Variants in DNAH9 observed in about 807,000 individuals in gnomAD.
The protein encoded by DNAH9 is DNAH9 variant protein.
Under a neutral mutation model 471.6 loss-of-function variants are expected in DNAH9, and 345 were observed. That is an observed-to-expected ratio of 0.73 (90% CI 0.67 to 0.80). DNAH9 has a LOEUF of 0.80. Among genes scored for constraint, DNAH9 ranks in the 30% least tolerant of loss-of-function variants. The probability of loss-of-function intolerance (pLI) is 0.00; values close to 1 mark genes in which losing one functional copy is unlikely to be tolerated. For synonymous variants in DNAH9, 2,093 were observed against 2,123.6 expected, an observed-to-expected ratio of 0.99 and a Z score of 0.40; for missense variants, 5,407 against 5,609.2, an observed-to-expected ratio of 0.96 and a Z score of 1.15.
chr17:11,704,180 C>T (rs1461877859), intron 24 of DNAH9, 23 bp from the exon 25 acceptor site: 2 of 1,613,524 alleles, frequency 1.2e-6, no homozygotes, highest in Admixed American at 3.3e-5. Flanking sequence ...AACAGCTTTA[C>T]TAGGCAACTC....
intron 6 of DNAH9, among the ~76,000 whole-genome samples, chr17:11,627,690 T>C (rs1031739746): frequency 6.6e-6 from 1 of 152,230 alleles, no homozygotes; most frequent in African/African-American, 2.4e-5. Flanking sequence ...TTTTGGCATC[T>C]GTCTTCCCTG....
chr17:11,872,837 G>A (rs78312079), intron 52 of DNAH9, among the ~76,000 whole-genome samples: 14,209 of 152,176 alleles, frequency 0.093, 1,135 homozygotes, highest in East Asian at 0.42. Context: ...GGAGAATGGC[G>A]TGAACCCGGG....
chr17:11,722,009 A>G (rs963316174), intron 27 of DNAH9, among the ~76,000 whole-genome samples: 6 of 152,272 alleles, frequency 3.9e-5, no homozygotes, highest in Admixed American at 3.3e-4. Context: ...ACCAAGTTCT[A>G]TGTGTGGCCA....
rs367594391 is a variant in DNAH9 at position 11,679,867 on chromosome 17, T to C, written c.3464T>C (p.Val1155Ala). 6.2e-7 allele frequency: 1 copy of C among 1,613,694 alleles called. No individual in the cohort carries two copies. ...LVEIMGHLMA[V>A]KERQSNTDEM... ...GAGATCATGGGACACCTTATGGCTG[T>C]TAAAGAACGGCAGAGTAACACTGAT... is the stretch of plus-strand genomic sequence containing the variant. Residue 1155 changes from valine to alanine, a missense_variant, in exon 18 of 69, where the codon GTT becomes GCT. Physicochemically the swap from Val to Ala is moderately conservative, Grantham distance 64. Transcript: ENST00000262442.
At chr17:11,961,063 C>T (rs1976113992) in intron 67 of DNAH9, among the ~76,000 whole-genome samples, 1 of 152,052 alleles carries the variant, frequency 6.6e-6, no homozygotes, top group African/African-American at 2.4e-5. Flanking sequence ...GCCTGTAATC[C>T]CAGCACTTTG....
In DNAH9 at chr17:11,887,554, A is replaced by G. The variant is rs559552881; in HGVS notation, c.11112+589A>G. Among the ~76,000 whole-genome samples the G allele has an allele frequency of 1.8e-4, 27 of 152,340 alleles. 1 individual carries two copies. Among genetic ancestry groups the G allele is most frequent in the Admixed American group, 1.4e-3 (22 of 15,300 alleles). ...ATTTTTAGTGCATCTCTGAAAGTAC[A>G]TCTTTCCCCCCTAGGGCATTCACCA... On this transcript the variant is annotated intron_variant, in intron 57 of 68. Transcript: ENST00000262442.
In DNAH9 at chr17:11,693,488, G is replaced by T. The variant is rs374017679; in HGVS notation, c.4615-380G>T. ...TGGCCAGGCTGGTCTCAAACTCCTG[G>T]CCTCAAACCATCCGCCCGCGTCAGC... is the stretch of plus-strand genomic sequence containing the variant. On this transcript the variant is annotated intron_variant, in intron 20 of 68. Coordinates refer to ENST00000262442, the MANE Select transcript of DNAH9 (RefSeq NM_001372.4). 6.4e-4 allele frequency among the ~76,000 whole-genome samples: 96 copies of T among 149,620 alleles called. 1 individual carries two copies. In the East Asian group the frequency reaches 0.014, roughly 22 times the overall value.
At chr17:11,657,653 T>C (rs1457781616) in intron 14 of DNAH9, among the ~76,000 whole-genome samples, 2 of 152,068 alleles carry the variant, frequency 1.3e-5, no homozygotes, top group Non-Finnish European at 1.5e-5. Context: ...ATTTTTTTTC[T>C]TTTAGAAGTT....
chr17:11,647,958 G>A (rs1443493849), intron 12 of DNAH9, among the ~76,000 whole-genome samples: 1 of 152,198 alleles, frequency 6.6e-6, no homozygotes, highest in East Asian at 1.9e-4. Flanking sequence ...TACCACCACA[G>A]AGTTACTTGT....
At chr17:11,877,473 TAAAAAAAAAAAAAA>T (rs550300868) in intron 53 of DNAH9, among the ~76,000 whole-genome samples, 3 of 68,610 alleles carry the variant, frequency 4.4e-5, no homozygotes, top group East Asian at 4.2e-4. Flanking sequence ...AAACTCTGTC[TAAAAAAAAAAAAAA>T]AAAAAAAAAA....
At chr17:11,901,417 C>T (rs1371894972) in intron 59 of DNAH9, among the ~76,000 whole-genome samples, 2 of 152,092 alleles carry the variant, frequency 1.3e-5, no homozygotes, top group African/African-American at 4.8e-5. Flanking sequence ...ACACTGGGGC[C>T]GGGTGTGGTG....
chr17:11,655,387 G>A (rs558918910), intron 14 of DNAH9, among the ~76,000 whole-genome samples: 41 of 141,638 alleles, frequency 2.9e-4, no homozygotes, highest in African/African-American at 1.0e-3. Context: ...TGTGTGTGTA[G>A]AACTAGATAA....
chr17:11,704,548 G>T, intron 25 of DNAH9, 106 bp downstream of exon 25: 1 of 1,038,462 alleles, frequency 9.6e-7, no homozygotes, highest in Non-Finnish European at 1.4e-6. Context: ...GCACTGACCA[G>T]ACAGCTGGGG....
At chr17:11,780,432 G>A (rs192563908) in intron 38 of DNAH9, among the ~76,000 whole-genome samples, 1 of 152,358 alleles carries the variant, frequency 6.6e-6, no homozygotes, top group Admixed American at 6.5e-5. Context: ...AGCCCTGGAA[G>A]GGGAGCGGCA....
At chr17:11,605,942 C>T (rs1418257894) in intron 1 of DNAH9, among the ~76,000 whole-genome samples, 4 of 152,172 alleles carry the variant, frequency 2.6e-5, no homozygotes, top group African/African-American at 9.7e-5. Flanking sequence ...TGAGTGCTTT[C>T]TATATGCCAG....
At chr17:11,657,603 A>G (rs2073677186) in intron 14 of DNAH9, among the ~76,000 whole-genome samples, 1 of 152,048 alleles carries the variant, frequency 6.6e-6, no homozygotes, top group Admixed American at 6.5e-5. Flanking sequence ...TTTGAGTCCT[A>G]AGGAAACTAT....
rs1393681102 is a variant in DNAH9 at position 11,716,958 on chromosome 17, G to A, written c.5553-2376G>A. Among the ~76,000 whole-genome samples the A allele has an allele frequency of 2.6e-5, 4 of 152,240 alleles. No homozygotes were observed. The East Asian group carries it at 7.7e-4, about 29-fold the overall frequency. On this transcript the variant is annotated intron_variant, in intron 26 of 68. Transcript: ENST00000262442. ...ATAGCAGGCATGGGATCCACCTGGA[G>A]CCAGAAACTCAAGAGCCCAGGAGGG...
chr17:11,610,052 T>G (rs36061710), intron 2 of DNAH9, among the ~76,000 whole-genome samples: 13,123 of 152,300 alleles, frequency 0.086, 1,039 homozygotes, highest in African/African-American at 0.2. Flanking sequence ...TGGGTGGTCA[T>G]CTGAATATTT....
chr17:11,963,704 T>G (rs1454197136), intron 68 of DNAH9, among the ~76,000 whole-genome samples: 3 of 152,106 alleles, frequency 2.0e-5, no homozygotes, highest in Non-Finnish European at 4.4e-5. Flanking sequence ...GATGGAAAAT[T>G]TTGTTGAGAC....
Sources: allele counts gnomAD v4.1 joint callset (sites outside exome capture counted in the v4.1 genomes callset), GRCh38; gene constraint gnomAD v4.1.1; transcripts MANE v1.5; gene names NCBI Gene and HGNC (gene_info 2026-07-23, HGNC 2026-07-21).